NLGN1: variants seen among roughly 807,000 people sequenced by gnomAD.
The protein encoded by NLGN1 is neuroligin 1, also known as neuroligin-1.
Under a neutral mutation model 65.5 loss-of-function variants are expected in NLGN1, and 12 were observed. The ratio of observed to expected loss-of-function variants is 0.18; its 90% CI spans 0.12 to 0.30. The LOEUF is 0.30. NLGN1 is among the 10% of genes least tolerant of loss of function. NLGN1 has a pLI of 1.00. For missense variants in NLGN1, 750 were observed against 1,007.1 expected (o/e 0.74, Z 3.46); for synonymous variants, 350 against 359.5 (o/e 0.97, Z 0.30).
intron 4 of NLGN1, among the ~76,000 whole-genome samples, chr3:174,168,378 A>C (rs1020876387): frequency 1.3e-5 from 2 of 151,430 alleles, no homozygotes; most frequent in Non-Finnish European, 2.9e-5. Flanking sequence ...TGCAAGTAGG[A>C]TTTTCTTCTT....
At chr3:173,937,394 C>T (rs2152300627) in intron 4 of NLGN1, among the ~76,000 whole-genome samples, 1 of 152,134 alleles carries the variant, frequency 6.6e-6, no homozygotes, top group African/African-American at 2.4e-5. Flanking sequence ...AATTAATATA[C>T]TTTATGAACT....
intron 2 of NLGN1, among the ~76,000 whole-genome samples, chr3:173,467,771 C>T (rs1252558747): frequency 1.3e-5 from 2 of 152,130 alleles, no homozygotes; most frequent in Non-Finnish European, 2.9e-5. Context: ...CTCTCATTCA[C>T]ATTTCAGTGT....
intron 3 of NLGN1, among the ~76,000 whole-genome samples, chr3:173,639,535 A>T (rs1014908085): frequency 2.0e-5 from 3 of 152,160 alleles, no homozygotes; most frequent in African/African-American, 7.2e-5. Flanking sequence ...GACATGGAGG[A>T]CTGTTATGGG....
intron 2 of NLGN1, among the ~76,000 whole-genome samples, chr3:173,521,229 C>T (rs150656799): frequency 6.6e-6 from 1 of 152,204 alleles, no homozygotes; most frequent in African/African-American, 2.4e-5. Context: ...AATCCTGAGA[C>T]ATTGGTATTT....
chr3:174,225,847 T>G (rs1026306553), intron 4 of NLGN1, among the ~76,000 whole-genome samples: 5 of 151,000 alleles, frequency 3.3e-5, no homozygotes, highest in Admixed American at 6.6e-5. Context: ...ATTTGGGGGG[T>G]TTTGTTTTGG....
rs113209132 is a variant in NLGN1, at chr3:174,099,039, T to A, written c.647-176276T>A. On this transcript the variant is annotated intron_variant, in intron 4 of 6. Transcript: ENST00000457714. ...GCTCCCTGCTGTGAAATTCTCATAG[T>A]CATAGTGAAGATAAATTATTAAAAC... is the stretch of plus-strand genomic sequence containing the variant. 5.5e-3 allele frequency among the ~76,000 whole-genome samples: 843 copies of A among 152,300 alleles called. 3 individuals are homozygous for A. Among genetic ancestry groups the A allele is most frequent in the Admixed American group, 9.2e-3 (141 of 15,298 alleles).
At chr3:173,459,360 G>A (rs77815021) in intron 2 of NLGN1, among the ~76,000 whole-genome samples, 1,693 of 152,192 alleles carry the variant, frequency 0.011, 9 homozygotes, top group Non-Finnish European at 0.018. Flanking sequence ...TCAGGTGCAT[G>A]TATGTGTGCA....
At chr3:173,414,831 G>T (rs73178886) in intron 1 of NLGN1, among the ~76,000 whole-genome samples, 10,408 of 152,252 alleles carry the variant, frequency 0.068, 431 homozygotes, top group Non-Finnish European at 0.097. Context: ...GCCCAAGAGG[G>T]TGTGCAGCCT....
intron 3 of NLGN1, among the ~76,000 whole-genome samples, chr3:173,749,684 T>C (rs1242558244): frequency 1.3e-5 from 2 of 152,012 alleles, no homozygotes; most frequent in East Asian, 1.9e-4. Context: ...AAAAAAATAA[T>C]ATTAACATAT....
At chr3:173,466,513 A>T (rs1425944344) in intron 2 of NLGN1, among the ~76,000 whole-genome samples, 1 of 152,216 alleles carries the variant, frequency 6.6e-6, no homozygotes, top group South Asian at 2.1e-4. Context: ...TGGCTGCAAC[A>T]GAGCGCTGGT....
At chr3:174,259,262 GT>G (rs1183880040) in intron 4 of NLGN1, among the ~76,000 whole-genome samples, 1 of 152,008 alleles carries the variant, frequency 6.6e-6, no homozygotes, top group Non-Finnish European at 1.5e-5. Flanking sequence ...GGATCAGCTA[GT>G]GTGGAATTAA....
At chr3:174,200,036 T>G (rs1416741178) in intron 4 of NLGN1, among the ~76,000 whole-genome samples, 1 of 152,188 alleles carries the variant, frequency 6.6e-6, no homozygotes, top group African/African-American at 2.4e-5. Flanking sequence ...CAGGAAAGTT[T>G]CATAGCTCCT....
chr3:174,026,029 T>C (rs187707553), intron 4 of NLGN1, among the ~76,000 whole-genome samples: 1 of 152,350 alleles, frequency 6.6e-6, no homozygotes, highest in East Asian at 1.9e-4. Flanking sequence ...CCAAAGACTA[T>C]GTTCATTATT....
At chr3:173,465,531 A>G (rs1724201026) in intron 2 of NLGN1, among the ~76,000 whole-genome samples, 1 of 152,202 alleles carries the variant, frequency 6.6e-6, no homozygotes, top group African/African-American at 2.4e-5. Context: ...TGTAAAGCCT[A>G]TGTTTTTAAC....
chr3:173,766,771 GA>G (rs1368264297), intron 3 of NLGN1, among the ~76,000 whole-genome samples: 1 of 152,104 alleles, frequency 6.6e-6, no homozygotes, highest in Non-Finnish European at 1.5e-5. Context: ...AGAAAGAAGG[GA>G]AACTTGTTTT....
At chr3:173,417,495 A>C (rs1714041064) in intron 1 of NLGN1, among the ~76,000 whole-genome samples, 1 of 151,858 alleles carries the variant, frequency 6.6e-6, no homozygotes, top group South Asian at 2.1e-4. Context: ...GGAAACAATA[A>C]TTTTCTTTAT....
chr3:173,531,564 T>TACACACACACACAC (rs147720926), intron 2 of NLGN1, among the ~76,000 whole-genome samples: 10,042 of 148,134 alleles, frequency 0.068, 415 homozygotes, highest in East Asian at 0.14. Flanking sequence ...CTGTGTGAAA[T>TACACACACACACAC]ACACACACAC....
At chr3:173,546,350 C>T (rs1038602906) in intron 2 of NLGN1, among the ~76,000 whole-genome samples, 3 of 152,018 alleles carry the variant, frequency 2.0e-5, no homozygotes, top group East Asian at 1.9e-4. Context: ...TTTCCCGTAC[C>T]GTGAACCATC....
chr3:173,639,642 G>A (rs894432794), intron 3 of NLGN1, among the ~76,000 whole-genome samples: 1 of 152,206 alleles, frequency 6.6e-6, no homozygotes, highest in African/African-American at 2.4e-5. Flanking sequence ...TTTTGGACTA[G>A]CAATGATTCT....
Sources: gnomAD v4.1 joint callset for allele counts (sites outside exome capture counted in the v4.1 genomes callset) on GRCh38, gnomAD v4.1.1 for gene constraint, MANE v1.5 for transcripts, NCBI Gene and HGNC (gene_info 2026-07-23, HGNC 2026-07-21) for gene names.